The following GRK5 variants were observed in gnomAD, a reference collection of about 807,000 sequenced individuals.
The protein encoded by GRK5 is g protein-coupled receptor kinase GRK5.
A neutral mutation model predicts 78.4 loss-of-function variants in GRK5; 40 were observed. The ratio of observed to expected loss-of-function variants is 0.51; its 90% CI spans 0.40 to 0.66. The LOEUF (loss-of-function observed/expected upper bound fraction) is 0.66. Among genes scored for constraint, GRK5 ranks in the 30% least tolerant of loss-of-function variants. GRK5 has a pLI of 0.00. For missense variants in GRK5, 598 were observed against 759.9 expected, an observed-to-expected ratio of 0.79 and a Z score of 2.50; for synonymous variants, 289 against 296.8, an observed-to-expected ratio of 0.97 and a Z score of 0.27.
chr10:119,448,404 C>T lies in GRK5; in HGVS notation c.1404+144C>T, dbSNP rs1589816399. 3.3e-6 allele frequency: 3 copies of T among 917,344 alleles called. No homozygotes were observed. In the East Asian group the frequency reaches 8.7e-5, roughly 27 times the overall value. The allele number at this position is 917,344 out of a possible 1,614,324, so 56.8% of individuals were successfully genotyped here. A position where few individuals can be genotyped will look rare whatever the true frequency, so the allele number is the denominator to read the frequency against. ...CCAGGGTCCCCTCCCGGCCACTCCT[C>T]ACCTAAGCTGCAGATGAACTTCACG... On this transcript the variant is annotated intron_variant, in intron 13 of 15. Transcript: ENST00000392870.
At chr10:119,339,683 C>T (rs1850950804) in intron 2 of GRK5, among the ~76,000 whole-genome samples, 3 of 152,102 alleles carry the variant, frequency 2.0e-5, no homozygotes, top group South Asian at 2.1e-4. Context: ...CGCTTGAGCT[C>T]AGAGTTCAAG....
chr10:119,333,866 AG>A (rs1486161475), intron 2 of GRK5: 1 of 531,074 alleles, frequency 1.9e-6, no homozygotes, highest in East Asian at 5.4e-5. Context: ...AAAGTTCCAC[AG>A]GGTATGGAGC....
intron 1 of GRK5, among the ~76,000 whole-genome samples, chr10:119,322,433 TG>T (rs1347518266): frequency 3.9e-5 from 6 of 152,240 alleles, no homozygotes; most frequent in African/African-American, 1.4e-4. Context: ...AGGCCGTCGC[TG>T]GGGTTGGGAA....
At chr10:119,261,028 C>T (rs1164849000) in intron 1 of GRK5, among the ~76,000 whole-genome samples, 4 of 132,058 alleles carry the variant, frequency 3.0e-5, no homozygotes, top group South Asian at 2.5e-4. Context: ...GCTGGCCGGG[C>T]AGGGGGCTGA....
At chr10:119,351,421 A>G (rs1012410786) in intron 2 of GRK5, among the ~76,000 whole-genome samples, 1 of 152,070 alleles carries the variant, frequency 6.6e-6, no homozygotes, top group African/African-American at 2.4e-5. Flanking sequence ...TTCTTGTGGT[A>G]GTGAATAAGC....
Position 119,458,600 on chromosome 10 carries a change from A to T in GRK5, c.*3533A>T, listed in dbSNP as rs1853436736. 1 of 151,224 alleles carries T rather than the reference A, an allele frequency of 6.6e-6. No individual in the cohort carries two copies. The highest frequency in any genetic ancestry group is 2.4e-5 in the African/African-American group (1 of 41,224). 9.4% of individuals were successfully genotyped at this position (151,224 alleles called of 1,614,324 possible). On this transcript the variant is annotated 3_prime_UTR_variant, in exon 16 of 16. Coordinates refer to ENST00000392870, the MANE Select transcript of GRK5 (RefSeq NM_005308.3). The stretch of plus-strand genomic sequence containing the variant: ...ATACCAGCAAGCAGCTGCCGAGACA[A>T]ATGGTGGTGGGAAGTCCTGGGAACA...
Position 119,317,473 on chromosome 10 carries a change from C to T in GRK5, c.53-9043C>T, listed in dbSNP as rs533445401. On this transcript the variant is annotated intron_variant, in intron 1 of 15. Coordinates refer to ENST00000392870, the MANE Select transcript of GRK5 (RefSeq NM_005308.3). ...TGGGGGAGAGTTGGGGGGAAGCGGC[C>T]CCTGAGGCTGTCTCATTGGCCCGGA... Among the ~76,000 whole-genome samples, 9 of 152,026 alleles carry T rather than the reference C, an allele frequency of 5.9e-5. No individual in the cohort carries two copies. The South Asian group carries it at 1.9e-3, about 32-fold the overall frequency.
intron 10 of GRK5, among the ~76,000 whole-genome samples, chr10:119,440,052 C>G (rs1483234846): frequency 2.0e-5 from 3 of 152,196 alleles, no homozygotes; most frequent in African/African-American, 7.2e-5. Flanking sequence ...GTGGTCTCTA[C>G]AGTGCACTGA....
rs139853435 is a variant in GRK5, at chr10:119,361,731, C to T, written c.149-19084C>T. 1.2e-3 allele frequency among the ~76,000 whole-genome samples: 184 copies of T among 152,154 alleles called. 1 individual carries two copies. The highest frequency in any genetic ancestry group is 4.1e-3 in the African/African-American group (169 of 41,502). On this transcript the variant is annotated intron_variant, in intron 2 of 15. Transcript: ENST00000392870. ...ATCCCAGGACTTTGGGAGGCTGAGG[C>T]GGGCAGATCACTTGAGGTCAGGAGT...
chr10:119,251,455 C>T (rs545282809), intron 1 of GRK5, among the ~76,000 whole-genome samples: 3 of 152,224 alleles, frequency 2.0e-5, no homozygotes, highest in East Asian at 1.9e-4. Flanking sequence ...TGTCTTTACT[C>T]GGAGCTGTCT....
chr10:119,235,578 G>A (rs527893554), intron 1 of GRK5, among the ~76,000 whole-genome samples: 17 of 152,162 alleles, frequency 1.1e-4, no homozygotes, highest in Non-Finnish European at 2.5e-4. Context: ...GGGTTGTTCA[G>A]ACTCCATGAA....
At chr10:119,240,417 G>T (rs911664718) in intron 1 of GRK5, among the ~76,000 whole-genome samples, 3 of 151,672 alleles carry the variant, frequency 2.0e-5, no homozygotes. Flanking sequence ...TAGCCAGGAT[G>T]GTCTCGACCT....
chr10:119,325,685 C>T (rs1242857422), intron 1 of GRK5, among the ~76,000 whole-genome samples: 1 of 152,100 alleles, frequency 6.6e-6, no homozygotes, highest in East Asian at 1.9e-4. Context: ...CTGGTGGGCT[C>T]AGGGACACTG....
At chr10:119,344,746 T>C (rs1851049841) in intron 2 of GRK5, among the ~76,000 whole-genome samples, 1 of 152,226 alleles carries the variant, frequency 6.6e-6, no homozygotes. Flanking sequence ...GTGCGGCTTA[T>C]GTTGGTGAGA....
intron 1 of GRK5, among the ~76,000 whole-genome samples, chr10:119,299,794 A>ATGTGTGTG (rs3981127): frequency 8.0e-5 from 10 of 124,262 alleles, no homozygotes; most frequent in African/African-American, 2.8e-4. Flanking sequence ...ATTTAAGCAG[A>ATGTGTGTG]TGTGTGTGTG....
chr10:119,240,352 T>C (rs1398446114), intron 1 of GRK5, among the ~76,000 whole-genome samples: 3 of 151,764 alleles, frequency 2.0e-5, no homozygotes, highest in South Asian at 4.2e-4. Context: ...AGGCGCCTGC[T>C]ACCATGCCCG....
In GRK5 at chr10:119,391,416, G is replaced by C. The variant is rs918942788; in HGVS notation, c.262-5279G>C. ...CCGTGCAGGGCATCAGCCAGGTCCT[G>C]GCAGAAAACAGATGGCCGGCCCCAT... On this transcript the variant is annotated intron_variant, in intron 3 of 15. Transcript: ENST00000392870. Among the ~76,000 whole-genome samples the C allele has an allele frequency of 2.6e-5, 4 of 152,332 alleles. No individual in the cohort carries two copies. In the South Asian group the frequency reaches 8.3e-4, roughly 32 times the overall value.
chr10:119,280,083 G>A (rs1430639292), intron 1 of GRK5, among the ~76,000 whole-genome samples: 5 of 152,174 alleles, frequency 3.3e-5, no homozygotes, highest in African/African-American at 1.2e-4. Context: ...ATACCTATAA[G>A]CATCAGGAAG....
chr10:119,315,971 T>C (rs931431463), intron 1 of GRK5, among the ~76,000 whole-genome samples: 3 of 152,238 alleles, frequency 2.0e-5, no homozygotes, highest in Non-Finnish European at 4.4e-5. Flanking sequence ...AATGCTGACT[T>C]TTCTGAACCA....
Sources: gnomAD v4.1 joint callset for allele counts (sites outside exome capture counted in the v4.1 genomes callset) on GRCh38, gnomAD v4.1.1 for gene constraint, MANE v1.5 for transcripts, NCBI Gene and HGNC (gene_info 2026-07-23, HGNC 2026-07-21) for gene names.